Variants in XKRX observed in about 807,000 individuals in gnomAD.
XKRX encodes XK related X-linked.
XKRX carries 11 observed loss-of-function variants against 22.4 expected under a neutral mutation model. The ratio of observed to expected loss-of-function variants is 0.49; its 90% confidence interval spans 0.31 to 0.81. The LOEUF (loss-of-function observed/expected upper bound fraction) is 0.81, where lower values mean the gene tolerates loss of function less well. Among genes scored for constraint, XKRX ranks in the 40% least tolerant of loss-of-function variants. The pLI is 0.05. For synonymous variants in XKRX, 114 were observed against 132.2 expected (o/e 0.86, Z 0.94); for missense variants, 320 against 336.5 (o/e 0.95, Z 0.38).
chrX:100,946,744 A>G, the XKRX span, among the ~76,000 whole-genome samples: 11 of 111,889 alleles, frequency 9.8e-5, no homozygotes, highest in East Asian at 3.1e-3. Flanking sequence ...ACACACCCTG[A>G]CCTCAATTTC....
downstream of XKRX, chrX:100,910,602 A>T: frequency 1.3e-5 from 3 of 223,003 alleles, no homozygotes; most frequent in East Asian, 7.5e-5. Context: ...AAAAAAAAAA[A>T]GATTTCAGAG....
upstream of XKRX, among the ~76,000 whole-genome samples, chrX:100,929,606 A>G (rs903218312): frequency 1.8e-5 from 2 of 111,600 alleles, no homozygotes; most frequent in African/African-American, 6.5e-5. Flanking sequence ...TGAAGGGGGA[A>G]CCTGGGAGGA....
the XKRX span, among the ~76,000 whole-genome samples, chrX:100,934,943 T>C: frequency 3.6e-5 from 4 of 110,774 alleles, no homozygotes; most frequent in African/African-American, 1.3e-4. Flanking sequence ...GAGAGCTAAA[T>C]TGATTGACTG....
chrX:100,894,563 C>T, the XKRX span, among the ~76,000 whole-genome samples: 4 of 111,157 alleles, frequency 3.6e-5, no homozygotes, highest in African/African-American at 9.8e-5. Context: ...GAGTAATCAG[C>T]CTCCCAAGTA....
chrX:100,902,025 T>G, the XKRX span, among the ~76,000 whole-genome samples: 1 of 110,003 alleles, frequency 9.1e-6, no homozygotes, highest in East Asian at 2.8e-4. Flanking sequence ...TATCACATTT[T>G]AGATGATAAA....
At chrX:100,891,192 C>A in the XKRX span, among the ~76,000 whole-genome samples, 1 of 111,151 alleles carries the variant, frequency 9.0e-6, no homozygotes. Context: ...TGATTATAGA[C>A]CTGCTCTAGA....
At chrX:100,915,271 C>T (rs140319922) in intron 2 of XKRX, among the ~76,000 whole-genome samples, 188 bp from the exon 3 acceptor site, 2 of 110,950 alleles carry the variant, frequency 1.8e-5, no homozygotes, top group African/African-American at 6.5e-5. Context: ...TCTCCGAAGG[C>T]GGTATACAAA....
chrX:100,897,593 A>ATATGTGTGTGTGTGTG, the XKRX span, among the ~76,000 whole-genome samples: 2 of 66,474 alleles, frequency 3.0e-5, no homozygotes, highest in African/African-American at 1.2e-4. Flanking sequence ...AAATATATAT[A>ATATGTGTGTGTGTGTG]TGTGTGTGTG....
chrX:100,900,568 G>A, the XKRX span, among the ~76,000 whole-genome samples: 15 of 109,878 alleles, frequency 1.4e-4, no homozygotes, highest in East Asian at 2.6e-3. Context: ...TTGCAGAGCC[G>A]AGGTGGGAGA....
downstream of XKRX, chrX:100,910,858 C>T: frequency 2.7e-6 from 2 of 747,851 alleles, no homozygotes; most frequent in Non-Finnish European, 4.1e-6. Context: ...CTAAGCTTTA[C>T]CATAAACCGT....
chrX:100,906,659 A>G, the XKRX span, among the ~76,000 whole-genome samples: 2 of 112,089 alleles, frequency 1.8e-5, no homozygotes, highest in Non-Finnish European at 3.8e-5. Context: ...GTAACAAATT[A>G]CCAAAAACTA....
the XKRX span, chrX:100,956,973 G>C: frequency 9.4e-7 from 1 of 1,063,459 alleles, no homozygotes; most frequent in Non-Finnish European, 1.3e-6. Flanking sequence ...GGGTGCCCGA[G>C]CTTGGGACAA....
the XKRX span, among the ~76,000 whole-genome samples, chrX:100,905,362 T>C: frequency 3.6e-5 from 4 of 112,146 alleles, no homozygotes; most frequent in African/African-American, 1.3e-4. Context: ...CTTGTATTTC[T>C]ATTTAGTTGA....
chrX:100,949,078 C>A, the XKRX span, among the ~76,000 whole-genome samples: 3 of 112,514 alleles, frequency 2.7e-5, no homozygotes, highest in Non-Finnish European at 3.8e-5. Context: ...CTGTGTCAGT[C>A]GACAAGGCCC....
At chrX:100,889,434 C>T in the XKRX span, among the ~76,000 whole-genome samples, 3 of 108,679 alleles carry the variant, frequency 2.8e-5, no homozygotes, top group Non-Finnish European at 5.7e-5. Flanking sequence ...ACAGGGTCTT[C>T]CTAGATCATC....
chrX:100,940,000 C>G, the XKRX span, among the ~76,000 whole-genome samples: 3 of 111,994 alleles, frequency 2.7e-5, no homozygotes, highest in African/African-American at 9.7e-5. Flanking sequence ...GCCTAGCACT[C>G]AGTTTTAACA....
At chrX:100,932,119 A>G (rs2085523549), upstream of XKRX, among the ~76,000 whole-genome samples, 1 of 110,607 alleles carries the variant, frequency 9.0e-6, no homozygotes, top group African/African-American at 3.3e-5. Flanking sequence ...CAACTTCTCT[A>G]TTTTCAGCCC....
At chrX:100,937,053 G>A in the XKRX span, among the ~76,000 whole-genome samples, 4 of 106,521 alleles carry the variant, frequency 3.8e-5, no homozygotes, top group African/African-American at 1.0e-4. Context: ...GTGCAGTGGC[G>A]AGATCTCTGC....
At chrX:100,907,793 T>G in the XKRX span, among the ~76,000 whole-genome samples, 1 of 111,929 alleles carries the variant, frequency 8.9e-6, no homozygotes, top group Admixed American at 9.5e-5. Flanking sequence ...CCTTTCAAAA[T>G]GTACATCAAT....
Sources: allele counts gnomAD v4.1 joint callset (sites outside exome capture counted in the v4.1 genomes callset), GRCh38; gene constraint gnomAD v4.1.1; transcripts MANE v1.5; gene names NCBI Gene and HGNC (gene_info 2026-07-23, HGNC 2026-07-21).